COL17A1: variants seen among roughly 807,000 people sequenced by gnomAD.
COL17A1 encodes collagen type XVII alpha 1 chain.
COL17A1 carries 181 observed loss-of-function variants against 218.4 expected under a neutral mutation model. That is an observed-to-expected ratio of 0.83 (90% confidence interval 0.73 to 0.94). COL17A1 has a LOEUF of 0.94. Among genes scored for constraint, COL17A1 ranks in the 40% least tolerant of loss-of-function variants. The pLI is 0.00. For synonymous variants in COL17A1, 721 were observed against 731.0 expected, an observed-to-expected ratio of 0.99 and a Z score of 0.22; for missense variants, 1,924 against 1,945.9, an observed-to-expected ratio of 0.99 and a Z score of 0.21.
At chr10:104,034,451 AG>A in intron 51 of COL17A1, 117 bp from the exon 52 acceptor site, 2 of 1,466,108 alleles carry the variant, frequency 1.4e-6, no homozygotes, top group Non-Finnish European at 1.8e-6. Flanking sequence ...AGTGAACTTC[AG>A]GGTTCTTGTA....
chr10:104,079,754 C>T (rs1038099759), intron 2 of COL17A1, among the ~76,000 whole-genome samples: 5 of 152,012 alleles, frequency 3.3e-5, no homozygotes, highest in Admixed American at 6.6e-5. Flanking sequence ...AGTGAAACCC[C>T]GTCTCTACTA....
chr10:104,036,007 AGT>A (rs1202599282), intron 48 of COL17A1, among the ~76,000 whole-genome samples: 20 of 119,902 alleles, frequency 1.7e-4, no homozygotes, highest in African/African-American at 5.9e-4. Context: ...TGCATATGTG[AGT>A]GTGTATGGGT....
chr10:104,077,539 A>G lies in COL17A1; in HGVS notation c.98-13T>C, dbSNP rs763001073. 6.2e-7 allele frequency: 1 copy of G among 1,602,348 alleles called. No individual in the cohort carries two copies. The highest frequency in any genetic ancestry group is 1.1e-5 in the South Asian group (1 of 89,356). On this transcript the variant is annotated splice_polypyrimidine_tract_variant and intron_variant, in intron 3 of 55. Transcript: ENST00000648076. Reference sequence around the variant, plus strand: ...CTGGTCCCGCCTTCTGCCAGGAACAAAAGCAGGTGATAATTTCAGGGTGGA... The same window carrying G: ...CTGGTCCCGCCTTCTGCCAGGAACAGAAGCAGGTGATAATTTCAGGGTGGA...
At chr10:104,042,276 C>T (rs765329593) in intron 36 of COL17A1, 144 bp downstream of exon 36, 211 of 813,894 alleles carry the variant, frequency 2.6e-4, no homozygotes, top group Middle Eastern at 1.8e-3. Context: ...CCTTGCAAGA[C>T]CCCGGTGAAG....
At chr10:104,062,422 A>G in intron 11 of COL17A1, 93 bp from the exon 12 acceptor site, 1 of 1,550,494 alleles carries the variant, frequency 6.4e-7, no homozygotes, top group Non-Finnish European at 8.9e-7. Flanking sequence ...CACTTTCATG[A>G]TCAATGGTTT....
In COL17A1 at chr10:104,076,305, A is replaced by G; in HGVS notation, c.327T>C (p.Tyr109=). The change falls in exon 5 of 56, where the codon TAT becomes TAC. Residue 109 remains tyrosine, a synonymous_variant. Coordinates refer to ENST00000648076, the MANE Select transcript of COL17A1 (RefSeq NM_000494.4). The part of the protein sequence containing the change: ...ERKTHVTRHA[Y]EGSSSGNSSP... ...TATGGTTAGTGGGACTGATACCTTC[A>G]TACGCATGGCGGGTAACGTGAGTTT... 6.2e-7 allele frequency: 1 copy of G among 1,614,110 alleles called. No individual in the cohort carries two copies. The highest frequency in any genetic ancestry group is 8.5e-7 in the Non-Finnish European group (1 of 1,179,982).
intron 1 of COL17A1, among the ~76,000 whole-genome samples, chr10:104,082,432 A>G (rs1450376660): frequency 6.6e-6 from 1 of 152,208 alleles, no homozygotes; most frequent in African/African-American, 2.4e-5. Context: ...TTTTAAAAAA[A>G]TAGGTAATAA....
At chr10:104,036,777 G>T in intron 47 of COL17A1, 145 bp from the exon 48 acceptor site, 1 of 1,050,918 alleles carries the variant, frequency 9.5e-7, no homozygotes, top group Non-Finnish European at 1.4e-6. Context: ...CGGTGTTCAG[G>T]GGGGACACCA....
At chr10:104,077,273 G>GA (rs553857513) in intron 4 of COL17A1, 149 bp downstream of exon 4, 1 of 721,368 alleles carries the variant, frequency 1.4e-6, no homozygotes. Flanking sequence ...CTCTCAGGGG[G>GA]ATTTGGAATG....
intron 55 of COL17A1, 143 bp from the exon 56 acceptor site, chr10:104,032,433 G>A: frequency 1.2e-6 from 1 of 829,596 alleles, no homozygotes; most frequent in Non-Finnish European, 2.0e-6. Context: ...TATTTAACTT[G>A]TTTGCCCCAT....
rs914559843 is a variant in COL17A1 at position 104,031,726 on chromosome 10, C to T, written c.*509G>A. The T allele has an allele frequency of 1.8e-5, 3 of 164,086 alleles. No individual in the cohort carries two copies. Among genetic ancestry groups the T allele is most frequent in the African/African-American group, 7.2e-5 (3 of 41,606 alleles). The allele number at this position is 164,086 out of a possible 1,614,324, so 10.2% of individuals were successfully genotyped here. A position where few individuals can be genotyped will look rare whatever the true frequency, so the allele number is the denominator to read the frequency against. On this transcript the variant is annotated 3_prime_UTR_variant, in exon 56 of 56. Transcript: ENST00000648076. ...TTAATTTTTTTAGTTGCAAGAGTCA[C>T]TTCTTAGCCAACTGACTAGAGAATG... is the stretch of plus-strand genomic sequence containing the variant.
intron 55 of COL17A1, 73 bp downstream of exon 55, chr10:104,032,601 C>A: frequency 6.8e-7 from 1 of 1,474,184 alleles, no homozygotes; most frequent in South Asian, 1.1e-5. Flanking sequence ...TGGAACAAAT[C>A]ACCTGCTTCT....
intron 50 of COL17A1, 122 bp from the exon 51 acceptor site, chr10:104,034,889 G>GTGA: frequency 8.3e-7 from 1 of 1,204,426 alleles, no homozygotes; most frequent in Non-Finnish European, 1.2e-6. Flanking sequence ...GGCCTCCCGG[G>GTGA]TGATGGGAGG....
At chr10:104,051,338 C>T in intron 25 of COL17A1, 143 bp downstream of exon 25, 1 of 1,103,700 alleles carries the variant, frequency 9.1e-7, no homozygotes, top group Non-Finnish European at 1.4e-6. Flanking sequence ...CCACAGGAGA[C>T]ACACATGCAG....
At chr10:104,071,023 C>T (rs1414253133) in intron 8 of COL17A1, among the ~76,000 whole-genome samples, 1 of 152,216 alleles carries the variant, frequency 6.6e-6, no homozygotes, top group East Asian at 1.9e-4. Flanking sequence ...TGGGCCATAA[C>T]TCCTAAATAT....
At chr10:104,056,615 A>G (rs1016745738) in intron 17 of COL17A1, among the ~76,000 whole-genome samples, 2 of 152,152 alleles carry the variant, frequency 1.3e-5, no homozygotes, top group Non-Finnish European at 2.9e-5. Flanking sequence ...AAAAGAAAGA[A>G]AAGAAATAGA....
intron 33 of COL17A1, among the ~76,000 whole-genome samples, chr10:104,045,377 A>G (rs1250499822): frequency 1.3e-5 from 2 of 152,192 alleles, no homozygotes; most frequent in Non-Finnish European, 2.9e-5. Context: ...AGGGGAAAAG[A>G]CTTGTTAGGA....
chr10:104,033,869 A>C (rs2086241683), intron 52 of COL17A1, 76 bp downstream of exon 52: 2 of 1,603,234 alleles, frequency 1.2e-6, no homozygotes, highest in African/African-American at 2.7e-5. Flanking sequence ...TGGGGGTTCC[A>C]CAAACAAGAA....
At chr10:104,033,138 T>C (rs1452870800) in intron 53 of COL17A1, 100 bp downstream of exon 53, 1 of 1,537,462 alleles carries the variant, frequency 6.5e-7, no homozygotes, top group Non-Finnish European at 8.8e-7. Flanking sequence ...TCTCAAATGT[T>C]AATAACTGGA....
Sources: gnomAD v4.1 joint callset for allele counts (sites outside exome capture counted in the v4.1 genomes callset) on GRCh38, gnomAD v4.1.1 for gene constraint, MANE v1.5 for transcripts, NCBI Gene and HGNC (gene_info 2026-07-23, HGNC 2026-07-21) for gene names.